The following ROBO1 variants were observed in gnomAD, a reference collection of about 807,000 sequenced individuals.
ROBO1 encodes the protein roundabout homolog 1.
In ROBO1, 149 loss-of-function variants were observed where a neutral mutation model predicts 195.9. That is an observed-to-expected ratio of 0.76 (90% confidence interval 0.67 to 0.87). ROBO1 has a LOEUF of 0.87. Among genes scored for constraint, ROBO1 ranks in the 40% least tolerant of loss-of-function variants. The pLI is 0.00. For missense variants in ROBO1, 1,933 were observed against 2,068.3 expected, an observed-to-expected ratio of 0.93 and a Z score of 1.27; for synonymous variants, 816 against 733.2, an observed-to-expected ratio of 1.11 and a Z score of -1.82.
chr3:79,665,739 A>G (rs963326566), intron 1 of ROBO1, among the ~76,000 whole-genome samples: 1 of 151,930 alleles, frequency 6.6e-6, no homozygotes, highest in African/African-American at 2.4e-5. Flanking sequence ...ATCAAACAGA[A>G]AGTAGACAGT....
chr3:78,990,280 T>A (rs1318429951), intron 3 of ROBO1, among the ~76,000 whole-genome samples: 1 of 152,182 alleles, frequency 6.6e-6, no homozygotes, highest in Non-Finnish European at 1.5e-5. Flanking sequence ...GTTTTTTGGC[T>A]AATATTCCAC....
chr3:79,072,639 G>GC (rs1296610242), intron 3 of ROBO1, among the ~76,000 whole-genome samples: 1 of 151,790 alleles, frequency 6.6e-6, no homozygotes, highest in Non-Finnish European at 1.5e-5. Flanking sequence ...AACATTCTTC[G>GC]CCACTCAATA....
chr3:78,933,514 T>C (rs2039645057), intron 4 of ROBO1, among the ~76,000 whole-genome samples: 1 of 152,098 alleles, frequency 6.6e-6, no homozygotes, highest in Non-Finnish European at 1.5e-5. Context: ...TTAAACCTGA[T>C]ATTTGGATGC....
intron 28 of ROBO1, among the ~76,000 whole-genome samples, chr3:78,610,901 T>C (rs9831220): frequency 0.051 from 7,835 of 152,198 alleles, 441 homozygotes; most frequent in African/African-American, 0.14. Context: ...CAGGGATATC[T>C]CTGCCTATGA....
At chr3:79,542,534 A>G (rs773895258) in intron 2 of ROBO1, among the ~76,000 whole-genome samples, 1 of 152,070 alleles carries the variant, frequency 6.6e-6, no homozygotes. Flanking sequence ...TTCATAATAT[A>G]TATTCAAAGG....
intron 2 of ROBO1, among the ~76,000 whole-genome samples, chr3:79,450,906 C>T (rs79643056): frequency 6.6e-6 from 1 of 151,964 alleles, no homozygotes; most frequent in Non-Finnish European, 1.5e-5. Context: ...TTATTTCAGA[C>T]ACTATGCTAG....
chr3:79,670,003 C>T (rs923616957), intron 1 of ROBO1, among the ~76,000 whole-genome samples: 1 of 151,772 alleles, frequency 6.6e-6, no homozygotes, highest in South Asian at 2.1e-4. Context: ...AATTTGAGTA[C>T]ACAGCTTTAC....
chr3:78,784,428 T>C (rs1353893032), intron 4 of ROBO1, among the ~76,000 whole-genome samples: 1 of 152,150 alleles, frequency 6.6e-6, no homozygotes, highest in East Asian at 1.9e-4. Flanking sequence ...TGAGTTCCAT[T>C]GGGTATCAGT....
chr3:79,580,200 A>T (rs1345215101), intron 2 of ROBO1, among the ~76,000 whole-genome samples: 2 of 152,064 alleles, frequency 1.3e-5, no homozygotes, highest in South Asian at 4.1e-4. Flanking sequence ...AGCCAGGCTC[A>T]GTGGCTCATG....
intron 2 of ROBO1, among the ~76,000 whole-genome samples, chr3:79,589,475 C>T (rs1943928612): frequency 6.6e-6 from 1 of 151,676 alleles, no homozygotes; most frequent in Non-Finnish European, 1.5e-5. Context: ...TACCGACATG[C>T]ACTGTGGCTT....
chr3:79,470,360 T>C (rs1203931360), intron 2 of ROBO1, among the ~76,000 whole-genome samples: 2 of 151,814 alleles, frequency 1.3e-5, no homozygotes, highest in East Asian at 3.9e-4. Flanking sequence ...AATTGAACAA[T>C]GAGAACACCT....
At chr3:79,321,887 C>T (rs1334331139) in intron 2 of ROBO1, among the ~76,000 whole-genome samples, 1 of 152,140 alleles carries the variant, frequency 6.6e-6, no homozygotes, top group Non-Finnish European at 1.5e-5. Context: ...ATTGCTCATA[C>T]TTATTAGCTG....
chr3:79,196,130 G>A (rs2081628880), intron 2 of ROBO1, among the ~76,000 whole-genome samples: 1 of 151,460 alleles, frequency 6.6e-6, no homozygotes, highest in Non-Finnish European at 1.5e-5. Flanking sequence ...CAGCAATAAT[G>A]GTATAAGCCA....
chr3:79,224,156 A>C (rs1256488040), intron 2 of ROBO1, among the ~76,000 whole-genome samples: 1 of 152,136 alleles, frequency 6.6e-6, no homozygotes, highest in Non-Finnish European at 1.5e-5. Flanking sequence ...CAATAGACAG[A>C]AAAAAAGGTC....
At chr3:79,636,944 T>C (rs1449782752) in intron 1 of ROBO1, among the ~76,000 whole-genome samples, 7 of 152,234 alleles carry the variant, frequency 4.6e-5, no homozygotes, top group African/African-American at 1.4e-4. Flanking sequence ...ATTATCTTCT[T>C]ATGAAAAATT....
chr3:79,428,529 C>T (rs1183557559), intron 2 of ROBO1, among the ~76,000 whole-genome samples: 1 of 152,002 alleles, frequency 6.6e-6, no homozygotes, highest in Admixed American at 6.6e-5. Flanking sequence ...ATATTTTTAG[C>T]GGGAATGCAA....
intron 3 of ROBO1, among the ~76,000 whole-genome samples, chr3:79,001,336 T>A (rs1443615424): frequency 6.6e-6 from 1 of 152,090 alleles, no homozygotes; most frequent in Non-Finnish European, 1.5e-5. Context: ...TCACTCACTA[T>A]CATGAGAACA....
chr3:79,610,259 A>G (rs1944616363), intron 1 of ROBO1, among the ~76,000 whole-genome samples: 1 of 151,900 alleles, frequency 6.6e-6, no homozygotes, highest in Admixed American at 6.6e-5. Context: ...GTACATATCT[A>G]TGATGACTTT....
intron 4 of ROBO1, among the ~76,000 whole-genome samples, chr3:78,819,870 G>C (rs2030682838): frequency 6.6e-6 from 1 of 152,044 alleles, no homozygotes; most frequent in Admixed American, 6.6e-5. Context: ...TATTAGAATT[G>C]AAAGAAAAGA....
Sources: allele counts gnomAD v4.1 joint callset (sites outside exome capture counted in the v4.1 genomes callset), GRCh38; gene constraint gnomAD v4.1.1; transcripts MANE v1.5; gene names NCBI Gene and HGNC (gene_info 2026-07-23, HGNC 2026-07-21).